Variants in SLC9D1 observed in about 807,000 individuals in gnomAD.
SLC9D1 encodes the protein solute carrier family 9 member D1, also known as putative LAG1-interacting protein.
the SLC9D1 span, chr13:113,524,178 GA>G: frequency 4.4e-6 from 2 of 456,368 alleles, no homozygotes; most frequent in Non-Finnish European, 8.8e-6. Flanking sequence ...GTTGTTGAGG[GA>G]GATGGTATTG....
chr13:113,520,644 C>T, the SLC9D1 span: 24 of 1,613,812 alleles, frequency 1.5e-5, no homozygotes, highest in African/African-American at 2.7e-5. Context: ...CCGTGCTCCT[C>T]GGCATGCTGG....
chr13:113,538,530 T>C, the SLC9D1 span, among the ~76,000 whole-genome samples: 1 of 152,326 alleles, frequency 6.6e-6, no homozygotes, highest in South Asian at 2.1e-4. Context: ...GGAGGGAGCA[T>C]CCGCCGCTCC....
At chr13:113,539,057 A>G in the SLC9D1 span, among the ~76,000 whole-genome samples, 7 of 152,274 alleles carry the variant, frequency 4.6e-5, no homozygotes, top group African/African-American at 1.7e-4. The surrounding 1 kb of genome is among the most constrained non-coding windows in gnomAD (Gnocchi z 4.8). Context: ...TATCACAAAT[A>G]TTTAAAACAG....
chr13:113,495,615 C>G, the SLC9D1 span: 1 of 1,554,808 alleles, frequency 6.4e-7, no homozygotes, highest in Non-Finnish European at 8.7e-7. Context: ...CTTCTGGGTG[C>G]TGTTTCCCGT....
the SLC9D1 span, among the ~76,000 whole-genome samples, chr13:113,519,074 G>A: frequency 1.4e-5 from 2 of 143,926 alleles, no homozygotes; most frequent in Non-Finnish European, 3.0e-5. Flanking sequence ...ACGGAGTCTC[G>A]CTCTTGTCCC....
chr13:113,513,995 A>T, the SLC9D1 span, among the ~76,000 whole-genome samples: 1 of 152,232 alleles, frequency 6.6e-6, no homozygotes, highest in African/African-American at 2.4e-5. Flanking sequence ...AGCTGGGGAG[A>T]TCGACTTACC....
the SLC9D1 span, among the ~76,000 whole-genome samples, chr13:113,519,561 T>G: frequency 8.5e-5 from 13 of 152,358 alleles, no homozygotes; most frequent in Admixed American, 8.5e-4. Flanking sequence ...CTTCAGCTAG[T>G]CATGGCTACT....
At chr13:113,525,706 C>G in the SLC9D1 span, among the ~76,000 whole-genome samples, 1 of 151,728 alleles carries the variant, frequency 6.6e-6, no homozygotes, top group African/African-American at 2.4e-5. Context: ...AACAAGCCAT[C>G]GTCATCGTAG....
At chr13:113,548,216 GTGGCT>G in the SLC9D1 span, 1 of 1,464,332 alleles carries the variant, frequency 6.8e-7, no homozygotes, top group Non-Finnish European at 9.2e-7. Flanking sequence ...CAGCGTGCCT[GTGGCT>G]CGTCTGGGTT....
chr13:113,515,830 G>T, the SLC9D1 span, among the ~76,000 whole-genome samples: 1 of 145,238 alleles, frequency 6.9e-6, no homozygotes, highest in Non-Finnish European at 1.5e-5. Context: ...GACAGAGTTT[G>T]CAGTGAGCCG....
chr13:113,534,042 C>G, the SLC9D1 span: 1 of 1,581,576 alleles, frequency 6.3e-7, no homozygotes, highest in Non-Finnish European at 8.6e-7. Flanking sequence ...TTTTCTTTCC[C>G]AGCATTGTCG....
chr13:113,535,730 C>G, the SLC9D1 span, among the ~76,000 whole-genome samples: 7 of 151,824 alleles, frequency 4.6e-5, no homozygotes, highest in Admixed American at 2.0e-4. This position sits in a 1 kb window ranked among gnomAD's most constrained non-coding sequence, Gnocchi z 4.1. Context: ...CGAGAAGATT[C>G]TGAAGTTGAG....
At chr13:113,523,790 C>T in the SLC9D1 span, among the ~76,000 whole-genome samples, 19 of 152,212 alleles carry the variant, frequency 1.2e-4, no homozygotes, top group South Asian at 4.1e-4. Flanking sequence ...CTGTTTTAGC[C>T]GCATCTCATA....
At chr13:113,511,146 CG>C in the SLC9D1 span, among the ~76,000 whole-genome samples, 2 of 152,246 alleles carry the variant, frequency 1.3e-5, no homozygotes, top group African/African-American at 4.8e-5. Flanking sequence ...TGTCCCTGTG[CG>C]GGGAGGCTTG....
chr13:113,545,684 T>C, the SLC9D1 span: 1 of 149,458 alleles, frequency 6.7e-6, no homozygotes, highest in South Asian at 2.1e-4. Context: ...AGGGGTGGAG[T>C]GAGCCATGTC....
the SLC9D1 span, among the ~76,000 whole-genome samples, chr13:113,532,294 C>T: frequency 6.6e-6 from 1 of 152,172 alleles, no homozygotes; most frequent in South Asian, 2.1e-4. Flanking sequence ...GGTGAGCAGC[C>T]GTGAGCCCCC....
the SLC9D1 span, among the ~76,000 whole-genome samples, chr13:113,544,400 A>G: frequency 1.3e-5 from 2 of 152,090 alleles, no homozygotes; most frequent in Non-Finnish European, 2.9e-5. Flanking sequence ...GGCACGTGGC[A>G]GTGTGGCTCC....
chr13:113,503,747 A>G, the SLC9D1 span: 1 of 581,702 alleles, frequency 1.7e-6, no homozygotes, highest in Non-Finnish European at 3.0e-6. Flanking sequence ...AAATTCAGAA[A>G]GATAAAAAAT....
the SLC9D1 span, among the ~76,000 whole-genome samples, chr13:113,538,640 T>G: frequency 2.6e-5 from 4 of 152,266 alleles, no homozygotes. Context: ...GGTTGAATCC[T>G]CAGGATGTGA....
Sources: gnomAD v4.1 joint callset for allele counts (sites outside exome capture counted in the v4.1 genomes callset) on GRCh38, gnomAD v4.1.1 for gene constraint, Gnocchi (gnomAD v3.1) non-coding constraint, MANE v1.5 for transcripts, NCBI Gene and HGNC (gene_info 2026-07-23, HGNC 2026-07-21) for gene names.